The following TOM1L2 variants were observed in gnomAD, a reference collection of about 807,000 sequenced individuals.
The protein encoded by TOM1L2 is target of myb1 like 2 membrane trafficking protein.
TOM1L2 carries 31 observed loss-of-function variants against 67.9 expected under a neutral mutation model. That is an observed-to-expected ratio of 0.46 (90% CI 0.34 to 0.62). TOM1L2 has a LOEUF of 0.62. Among genes scored for constraint, TOM1L2 ranks in the 20% least tolerant of loss-of-function variants. TOM1L2 has a pLI of 0.01. For missense variants in TOM1L2, 606 were observed against 663.5 expected, an observed-to-expected ratio of 0.91 and a Z score of 0.95; for synonymous variants, 256 against 254.0, an observed-to-expected ratio of 1.01 and a Z score of -0.07.
intron 1 of TOM1L2, among the ~76,000 whole-genome samples, chr17:17,967,967 G>A (rs1396432962): frequency 1.3e-5 from 2 of 152,168 alleles, no homozygotes; most frequent in Non-Finnish European, 2.9e-5. Flanking sequence ...AATAAAGGGC[G>A]GGATGGATGC....
At chr17:17,936,158 C>T (rs2040507315) in intron 1 of TOM1L2, among the ~76,000 whole-genome samples, 1 of 152,226 alleles carries the variant, frequency 6.6e-6, no homozygotes, top group Admixed American at 6.5e-5. Context: ...CGGCCTCTGG[C>T]CTTAGCTCCC....
chr17:17,941,453 ACATATGTGAAAAAG>A (rs375245609), intron 1 of TOM1L2, among the ~76,000 whole-genome samples: 90 of 152,300 alleles, frequency 5.9e-4, no homozygotes, highest in African/African-American at 2.0e-3. Context: ...GGAAAACAAA[ACATATGTGAAAAAG>A]CTAGACAAAA....
intron 3 of TOM1L2, among the ~76,000 whole-genome samples, chr17:17,895,447 CACTG>C (rs2038519353): frequency 6.6e-6 from 1 of 152,232 alleles, no homozygotes; most frequent in South Asian, 2.1e-4. Flanking sequence ...ATAACTGGAA[CACTG>C]ACTGAATGCG....
chr17:17,857,828 C>G, intron 12 of TOM1L2: 1 of 1,535,680 alleles, frequency 6.5e-7, no homozygotes, highest in Non-Finnish European at 8.7e-7. Context: ...CCACCTCTAC[C>G]TCTCTTCTGG....
At chr17:17,920,027 G>C (rs1333695463) in intron 1 of TOM1L2, among the ~76,000 whole-genome samples, 1 of 152,024 alleles carries the variant, frequency 6.6e-6, no homozygotes, top group Non-Finnish European at 1.5e-5. Context: ...TCAGGTAGAG[G>C]GTCACAGAGG....
At chr17:17,879,787 T>C in intron 6 of TOM1L2, 44 bp from the exon 7 acceptor site, 1 of 1,481,368 alleles carries the variant, frequency 6.8e-7, no homozygotes, top group Non-Finnish European at 9.4e-7. Flanking sequence ...GAAAGGTCAG[T>C]CAGCCTGCAC....
chr17:17,924,351 A>G (rs1281539850), intron 1 of TOM1L2, among the ~76,000 whole-genome samples: 1 of 152,192 alleles, frequency 6.6e-6, no homozygotes, highest in Non-Finnish European at 1.5e-5. Flanking sequence ...AACGCTGTGA[A>G]TACAATGTTT....
intron 1 of TOM1L2, among the ~76,000 whole-genome samples, chr17:17,942,016 G>A (rs2040754749): frequency 6.6e-6 from 1 of 152,172 alleles, no homozygotes; most frequent in African/African-American, 2.4e-5. Context: ...GAGCTGATGT[G>A]CATGAACTTT....
chr17:17,917,450 CTTTTTTTTTT>C (rs71155307), intron 1 of TOM1L2, among the ~76,000 whole-genome samples: 11 of 36,348 alleles, frequency 3.0e-4, no homozygotes, highest in African/African-American at 9.0e-4. Flanking sequence ...TACCATTGGT[CTTTTTTTTTT>C]TTTTTTTTTT....
At chr17:17,893,577 A>G in intron 4 of TOM1L2, 84 bp downstream of exon 4, 6 of 1,264,286 alleles carry the variant, frequency 4.7e-6, no homozygotes, top group Non-Finnish European at 6.4e-6. Flanking sequence ...TTTTTCCTCC[A>G]AATGGTGGGA....
At chr17:17,883,937 C>G (rs150439624) in intron 5 of TOM1L2, among the ~76,000 whole-genome samples, 45 of 152,242 alleles carry the variant, frequency 3.0e-4, no homozygotes, top group Middle Eastern at 3.4e-3. Flanking sequence ...TGGCTCTCCC[C>G]CAGGCTAGGA....
intron 7 of TOM1L2, among the ~76,000 whole-genome samples, chr17:17,871,691 T>C (rs543420508): frequency 1.8e-4 from 27 of 152,004 alleles, no homozygotes; most frequent in African/African-American, 6.5e-4. Context: ...AAATAAAATA[T>C]AAAGTATTCT....
chr17:17,887,768 C>T (rs1010524443), intron 4 of TOM1L2, among the ~76,000 whole-genome samples: 4 of 152,170 alleles, frequency 2.6e-5, no homozygotes, highest in African/African-American at 4.8e-5. Context: ...GAGCCAACTG[C>T]GCCCAGCCCA....
chr17:17,931,283 C>T (rs1024869880), intron 1 of TOM1L2, among the ~76,000 whole-genome samples: 1 of 152,164 alleles, frequency 6.6e-6, no homozygotes, highest in South Asian at 2.1e-4. Context: ...AGGTCTCATT[C>T]TACCACGCAG....
chr17:17,868,971 C>A (rs2037000001), intron 8 of TOM1L2: 1 of 172,800 alleles, frequency 5.8e-6, no homozygotes, highest in Non-Finnish European at 1.2e-5. Flanking sequence ...TCCCTTTAAT[C>A]CTTTTCAAAT....
At chr17:17,961,224 G>A (rs993951668) in intron 1 of TOM1L2, among the ~76,000 whole-genome samples, 3 of 151,864 alleles carry the variant, frequency 2.0e-5, no homozygotes, top group African/African-American at 7.3e-5. Flanking sequence ...AAACCACAAT[G>A]AGACACCAAT....
intron 8 of TOM1L2, 60 bp from the exon 9 acceptor site, chr17:17,866,984 G>GT (rs1185517873): frequency 3.9e-6 from 6 of 1,523,312 alleles, no homozygotes. Context: ...TGGCCCTGTG[G>GT]GGTGCTCACT....
At chr17:17,954,408 A>G (rs4553680) in intron 1 of TOM1L2, among the ~76,000 whole-genome samples, 83,770 of 151,264 alleles carry the variant, frequency 0.55, 25,560 homozygotes, top group East Asian at 0.94. Flanking sequence ...AGCCTCCCAG[A>G]TTCAAATGAT....
At chr17:17,958,823 G>A (rs778062547) in intron 1 of TOM1L2, among the ~76,000 whole-genome samples, 3 of 152,174 alleles carry the variant, frequency 2.0e-5, no homozygotes, top group Non-Finnish European at 2.9e-5. Context: ...TTTCAGTGTT[G>A]GAACTTTTAG....
Sources: allele counts gnomAD v4.1 joint callset (sites outside exome capture counted in the v4.1 genomes callset), GRCh38; gene constraint gnomAD v4.1.1; transcripts MANE v1.5; gene names NCBI Gene and HGNC (gene_info 2026-07-23, HGNC 2026-07-21).